ZSWIM6: variants seen among roughly 807,000 people sequenced by gnomAD.
ZSWIM6 encodes zinc finger SWIM-type containing 6.
A neutral mutation model predicts 113.2 loss-of-function variants in ZSWIM6; 9 were observed. The ratio of observed to expected loss-of-function variants is 0.08; its 90% confidence interval spans 0.05 to 0.14. The LOEUF (loss-of-function observed/expected upper bound fraction) is 0.14. Ranked by LOEUF, ZSWIM6 falls within the 10% of genes least tolerant of loss-of-function variation. The pLI, the probability that ZSWIM6 is intolerant of heterozygous loss-of-function variation, is 1.00. For synonymous variants in ZSWIM6, 611 were observed against 606.5 expected, an observed-to-expected ratio of 1.01 and a Z score of -0.11; for missense variants, 1,162 against 1,552.2, an observed-to-expected ratio of 0.75 and a Z score of 4.22.
intron 1 of ZSWIM6, among the ~76,000 whole-genome samples, chr5:61,336,127 G>A (rs1371283828): frequency 6.6e-6 from 1 of 152,124 alleles, no homozygotes; most frequent in Non-Finnish European, 1.5e-5. Flanking sequence ...AGCCAGGCAT[G>A]GTGGTACGCA....
At chr5:61,415,485 G>A (rs1328399487) in intron 1 of ZSWIM6, among the ~76,000 whole-genome samples, 1 of 152,004 alleles carries the variant, frequency 6.6e-6, no homozygotes. Flanking sequence ...CCAGCTACTC[G>A]GGAGGCTGAG....
chr5:61,377,861 C>G (rs1043933301), intron 1 of ZSWIM6, among the ~76,000 whole-genome samples: 24 of 151,872 alleles, frequency 1.6e-4, no homozygotes, highest in African/African-American at 5.3e-4. Flanking sequence ...GGACAAAGAA[C>G]AAATATGGAG....
At chr5:61,423,048 CTTTTCTTTCT>C (rs1746386255) in intron 1 of ZSWIM6, among the ~76,000 whole-genome samples, 1 of 151,998 alleles carries the variant, frequency 6.6e-6, no homozygotes, top group Non-Finnish European at 1.5e-5. Context: ...CTCTTCTTTT[CTTTTCTTTCT>C]TTTTCTTTCT....
At chr5:61,441,917 A>G (rs978950002) in intron 1 of ZSWIM6, among the ~76,000 whole-genome samples, 7 of 152,182 alleles carry the variant, frequency 4.6e-5, no homozygotes, top group Non-Finnish European at 8.8e-5. Context: ...ATTACGAGGG[A>G]AGAAGACTTT....
chr5:61,395,666 G>A (rs1388596693), intron 1 of ZSWIM6, among the ~76,000 whole-genome samples: 1 of 152,088 alleles, frequency 6.6e-6, no homozygotes, highest in Non-Finnish European at 1.5e-5. Flanking sequence ...GATATATCAG[G>A]AAAGATTAAT....
At chr5:61,485,239 G>A (rs1252483145) in intron 2 of ZSWIM6, among the ~76,000 whole-genome samples, 1 of 152,000 alleles carries the variant, frequency 6.6e-6, no homozygotes, top group Non-Finnish European at 1.5e-5. Flanking sequence ...CCTTCTTCTG[G>A]AAGACTTGGT....
intron 1 of ZSWIM6, among the ~76,000 whole-genome samples, chr5:61,385,799 G>A (rs1163955677): frequency 6.6e-6 from 1 of 152,208 alleles, no homozygotes; most frequent in Non-Finnish European, 1.5e-5. Flanking sequence ...GCTAGCCATA[G>A]TGATGATGTC....
At chr5:61,449,029 A>T (rs1375831650) in intron 1 of ZSWIM6, among the ~76,000 whole-genome samples, 1 of 152,188 alleles carries the variant, frequency 6.6e-6, no homozygotes, top group Non-Finnish European at 1.5e-5. Context: ...TCCCACTTTA[A>T]AGCCCTTTGG....
At chr5:61,509,293 A>G (rs563951025) in intron 4 of ZSWIM6, among the ~76,000 whole-genome samples, 1 of 129,004 alleles carries the variant, frequency 7.8e-6, no homozygotes, top group East Asian at 2.0e-4. Context: ...TTTTTCCCCA[A>G]AATAAGTTCT....
chr5:61,379,185 G>GAAA (rs1211778480), intron 1 of ZSWIM6, among the ~76,000 whole-genome samples: 17 of 38,522 alleles, frequency 4.4e-4, no homozygotes, highest in African/African-American at 6.1e-4. Context: ...TCCTGTCTCT[G>GAAA]AAAAAAAAAA....
rs573083586 is a variant in ZSWIM6, at chr5:61,420,781, A to G, written c.677-51900A>G. ...TCACATCAGGGTAAATGGCATATCA[A>G]TCACCTCAAGCATTTATCCTTTGTG... On this transcript the variant is annotated intron_variant, in intron 1 of 13. Coordinates refer to ENST00000252744, the MANE Select transcript of ZSWIM6 (RefSeq NM_020928.2). Among the ~76,000 whole-genome samples, 24 of 152,344 alleles carry G rather than the reference A, an allele frequency of 1.6e-4. No homozygotes were observed. In the East Asian group the frequency reaches 1.9e-3, roughly 12 times the overall value.
chr5:61,521,188 A>T (rs1749112187), intron 4 of ZSWIM6, 75 bp from the exon 5 acceptor site: 4 of 931,338 alleles, frequency 4.3e-6, no homozygotes, highest in Middle Eastern at 2.7e-4. Flanking sequence ...TAATAAATTT[A>T]AACAATTTAA....
At chr5:61,405,608 A>G (rs963437792) in intron 1 of ZSWIM6, among the ~76,000 whole-genome samples, 3 of 152,246 alleles carry the variant, frequency 2.0e-5, no homozygotes, top group Non-Finnish European at 4.4e-5. Context: ...TTCCAGATAC[A>G]GGAAAACTTG....
intron 2 of ZSWIM6, among the ~76,000 whole-genome samples, chr5:61,487,292 T>C (rs1185379585): frequency 1.3e-5 from 2 of 152,152 alleles, no homozygotes; most frequent in Non-Finnish European, 2.9e-5. Context: ...TTGGTTACTA[T>C]AGGCTTGTAG....
Position 61,538,772 on chromosome 5 carries a change from A to T in ZSWIM6, c.2382-42A>T, listed in dbSNP as rs893233953. ...AGTCTTTCTGGCCAAGGACATGGTC[A>T]AGAAATAACTAGGGGCCACCTTCCT... On this transcript the variant is annotated intron_variant, in intron 10 of 13. Coordinates refer to ENST00000252744, the MANE Select transcript of ZSWIM6 (RefSeq NM_020928.2). 3 of 1,522,662 alleles carry T rather than the reference A, an allele frequency of 2.0e-6. No individual in the cohort carries two copies. The African/African-American group carries it at 4.1e-5, about 21-fold the overall frequency. 94.3% of individuals were successfully genotyped at this position (1,522,662 alleles called of 1,614,324 possible).
intron 1 of ZSWIM6, among the ~76,000 whole-genome samples, chr5:61,414,269 A>G (rs540488940): frequency 2.0e-5 from 3 of 152,234 alleles, no homozygotes; most frequent in African/African-American, 7.2e-5. Flanking sequence ...TATCAGCCCA[A>G]TTTAGTGATG....
chr5:61,524,621 A>T (rs1453530066), intron 5 of ZSWIM6, among the ~76,000 whole-genome samples: 1 of 152,196 alleles, frequency 6.6e-6, no homozygotes, highest in Non-Finnish European at 1.5e-5. Flanking sequence ...GTTGGCGTAG[A>T]TGAGTTCTCC....
At chr5:61,506,974 A>G (rs1243859269) in intron 4 of ZSWIM6, among the ~76,000 whole-genome samples, 3 of 152,176 alleles carry the variant, frequency 2.0e-5, no homozygotes, top group Admixed American at 6.5e-5. Flanking sequence ...TAGAAATTAA[A>G]CTTTCCCTGT....
At chr5:61,418,415 C>T (rs1198753331) in intron 1 of ZSWIM6, among the ~76,000 whole-genome samples, 1 of 151,850 alleles carries the variant, frequency 6.6e-6, no homozygotes, top group African/African-American at 2.4e-5. Context: ...TTACAGGTGC[C>T]TGCCACCACA....
Sources: allele counts gnomAD v4.1 joint callset (sites outside exome capture counted in the v4.1 genomes callset), GRCh38; gene constraint gnomAD v4.1.1; transcripts MANE v1.5; gene names NCBI Gene and HGNC (gene_info 2026-07-23, HGNC 2026-07-21).